Variants in UTP14C observed in about 807,000 individuals in gnomAD.
UTP14C encodes UTP14C small subunit processome component, also known as U3 small nucleolar RNA-associated protein 14 homolog C.
UTP14C carries 10 observed loss-of-function variants against 14.6 expected under a neutral mutation model. The observed-to-expected ratio is 0.68, with a 90% CI of 0.42 to 1.16. The LOEUF (loss-of-function observed/expected upper bound fraction) is 1.16, where lower values mean the gene tolerates loss of function less well. Ranked by LOEUF, UTP14C falls within the 50% of genes most tolerant of loss-of-function variation. The probability of loss-of-function intolerance (pLI) is 0.00; values close to 1 mark genes in which losing one functional copy is unlikely to be tolerated. For missense variants in UTP14C, 818 were observed against 890.8 expected, an observed-to-expected ratio of 0.92 and a Z score of 1.04; for synonymous variants, 315 against 331.6, an observed-to-expected ratio of 0.95 and a Z score of 0.54.
At position 52,030,151 on chromosome 13, in the gene UTP14C, T is replaced by C. The variant is rs766175630; in HGVS notation, c.1347T>C (p.Ser449=). 1.9e-6 allele frequency: 3 copies of C among 1,614,048 alleles called. No homozygotes were observed. The highest frequency in any genetic ancestry group is 1.7e-6 in the Non-Finnish European group (2 of 1,180,026). Residue 449 remains serine, a synonymous_variant, in exon 2 of 2, where the codon TCT becomes TCC. Coordinates refer to ENST00000521776, the MANE Select transcript of UTP14C (RefSeq NM_021645.6). The part of the protein sequence containing the change: ...EPASSQETKD[S]SSQEVLSELR... The stretch of plus-strand genomic sequence containing the variant: ...CAAGCAGTCAAGAAACAAAAGATTC[T>C]AGCAGCCAGGAGGTGCTGTCCGAAT...
Position 52,030,187 on chromosome 13 carries a change from A to C in UTP14C, c.1383A>C (p.Leu461=), listed in dbSNP as rs748134927. ...AGGTGCTGTCCGAATTGAGGGCACTATCTCAGAAATTGAAGGAAAAACATC... is the reference window on the plus strand; with the variant it reads ...AGGTGCTGTCCGAATTGAGGGCACTCTCTCAGAAATTGAAGGAAAAACATC... ...SQEVLSELRA[L]SQKLKEKHQS... The change falls in exon 2 of 2, where the codon CTA becomes CTC. Residue 461 remains leucine, a synonymous_variant. Transcript: ENST00000521776. The C allele has an allele frequency of 1.9e-6, 3 of 1,614,228 alleles. No homozygotes were observed. Among genetic ancestry groups the C allele is most frequent in the Non-Finnish European group, 2.5e-6 (3 of 1,180,044 alleles).
chr13:52,031,008 A>T lies in UTP14C; in HGVS notation c.2204A>T (p.Asp735Val), dbSNP rs1954298265. 1 of 1,614,196 alleles carries T rather than the reference A, an allele frequency of 6.2e-7. No individual in the cohort carries two copies. Among genetic ancestry groups the T allele is most frequent in the East Asian group, 2.2e-5 (1 of 44,878 alleles). The change falls in exon 2 of 2, where the codon GAT becomes GTT. Residue 735 changes from aspartate to valine, a missense_variant. Transcript: ENST00000521776. ...GHIIKPIKAEDVGYQSSSRSD... is the reference protein window; with the variant it reads ...GHIIKPIKAEVVGYQSSSRSD... ...ATCATTAAGCCCATAAAAGCAGAGG[A>T]TGTGGGCTACCAGTCTTCCTCAAGG...
At chr13:52,025,837 C>A (rs1954235307) in intron 1 of UTP14C, among the ~76,000 whole-genome samples, 2 of 152,234 alleles carry the variant, frequency 1.3e-5, no homozygotes, top group African/African-American at 2.4e-5. Flanking sequence ...ACTTCAATTT[C>A]TCTTATACTC....
rs542071901 is a variant in UTP14C at position 52,030,109 on chromosome 13, C to G, written c.1305C>G (p.Asn435Lys). The G allele has an allele frequency of 2.8e-5, 46 of 1,614,184 alleles. 2 individuals are homozygous for G. In the African/African-American group the frequency reaches 2.9e-4, roughly 10 times the overall value. Residue 435 changes from asparagine to lysine, a missense_variant, in exon 2 of 2, where the codon AAC becomes AAG. Asn to Lys is a moderately conservative substitution (Grantham distance 94). Transcript: ENST00000521776. Reference sequence around the variant, plus strand: ...CCCTTAGAAAAAGATCTGAGCTCAACCAGGATGCTGAGCCAGCAAGCAGTC... The same window carrying G: ...CCCTTAGAAAAAGATCTGAGCTCAAGCAGGATGCTGAGCCAGCAAGCAGTC... The part of the protein sequence containing the change: ...RQSLRKRSEL[N>K]QDAEPASSQE...
chr13:52,029,344 A>C lies in UTP14C; in HGVS notation c.540A>C (p.Arg180Ser), dbSNP rs201103979. ...ATGCGCTCAGTGGCTGGAAGGCAAG[A>C]ACTCCCCTGGAGCAGGAAATTTTTA... ...IEHALSGWKA[R>S]TPLEQEIFNL... The change falls in exon 2 of 2, where the codon AGA becomes AGC. Residue 180 changes from arginine (R) to serine (S), a missense_variant. By Grantham distance (110) the Arg-to-Ser change is moderately radical. Coordinates refer to ENST00000521776, the MANE Select transcript of UTP14C (RefSeq NM_021645.6). The C allele has an allele frequency of 2.9e-5, 47 of 1,614,124 alleles. No individual in the cohort carries two copies. Among genetic ancestry groups the C allele is most frequent in the Admixed American group, 1.2e-4 (7 of 60,020 alleles).
At position 52,030,504 on chromosome 13, in the gene UTP14C, C is replaced by G; in HGVS notation, c.1700C>G (p.Ser567Cys). 1 of 1,614,216 alleles carries G rather than the reference C, an allele frequency of 6.2e-7. No individual in the cohort carries two copies. The highest frequency in any genetic ancestry group is 8.5e-7 in the Non-Finnish European group (1 of 1,180,034). Reference sequence around the variant, plus strand: ...CTACAGAACTTCCTGACCACACAGTCTCCTTCCGTGAGGTCTTTGGCAGTT... The same window carrying G: ...CTACAGAACTTCCTGACCACACAGTGTCCTTCCGTGAGGTCTTTGGCAGTT... ...INLQNFLTTQ[S>C]PSVRSLAVPT... Residue 567 changes from serine to cysteine, a missense_variant, in exon 2 of 2, where the codon TCT (serine) becomes TGT (cysteine). Physicochemically the swap from Ser to Cys is moderately radical, Grantham distance 112 (BLOSUM62 -1). Transcript: ENST00000521776.
At chr13:52,026,928 T>C (rs1954246992) in intron 1 of UTP14C, among the ~76,000 whole-genome samples, 1 of 152,004 alleles carries the variant, frequency 6.6e-6, no homozygotes, top group Non-Finnish European at 1.5e-5. Context: ...GAAAAGAGGC[T>C]CTCAGTACAA....
Position 52,032,583 on chromosome 13 carries a change from T to G in UTP14C, c.*1478T>G, listed in dbSNP as rs986963221. On this transcript the variant is annotated 3_prime_UTR_variant, in exon 2 of 2. Transcript: ENST00000521776. Reference sequence around the variant, plus strand: ...TTCTTTGCAGTCTCCTCTCAGTCATTCATCAATGTGGCCAGCTTATCTACT... The same window carrying G: ...TTCTTTGCAGTCTCCTCTCAGTCATGCATCAATGTGGCCAGCTTATCTACT... 3 of 167,076 alleles carry G rather than the reference T, an allele frequency of 1.8e-5. No individual in the cohort carries two copies. The highest frequency in any genetic ancestry group is 4.4e-5 in the Non-Finnish European group (3 of 68,116). 10.3% of individuals were successfully genotyped at this position (167,076 alleles called of 1,614,324 possible).
In UTP14C at chr13:52,026,775, G is replaced by A. The variant is rs910866373; in HGVS notation, c.-486-1544G>A. Among the ~76,000 whole-genome samples, 14 of 152,296 alleles carry A rather than the reference G, an allele frequency of 9.2e-5. No individual in the cohort carries two copies. The East Asian group carries it at 2.5e-3, about 27-fold the overall frequency. ...ATCTGTGGGACATGTGAGGGCATGC[G>A]TCCAGGAGGTAGTTTTGTATATAGG... On this transcript the variant is annotated intron_variant, in intron 1 of 1. Transcript: ENST00000521776.
chr13:52,030,425 A>G lies in UTP14C; in HGVS notation c.1621A>G (p.Asn541Asp). The G allele has an allele frequency of 6.2e-7, 1 of 1,614,228 alleles. No homozygotes were observed. Among genetic ancestry groups the G allele is most frequent in the Non-Finnish European group, 8.5e-7 (1 of 1,180,044 alleles). ...AGGACAGCAGTCAGAGAGGACCCCAAATAATCGGCCTGATGCCCCTAAGGA... is the reference window on the plus strand; with the variant it reads ...AGGACAGCAGTCAGAGAGGACCCCAGATAATCGGCCTGATGCCCCTAAGGA... Reference protein sequence around the residue: ...LEGQQSERTPNNRPDAPKEKK... With the variant: ...LEGQQSERTPDNRPDAPKEKK... Residue 541 changes from asparagine (N) to aspartate (D), a missense_variant, in exon 2 of 2, where the codon AAT becomes GAT. Asn to Asp is a conservative substitution (Grantham distance 23). Transcript: ENST00000521776.
chr13:52,026,774 C>A (rs192828240), intron 1 of UTP14C, among the ~76,000 whole-genome samples: 1 of 152,048 alleles, frequency 6.6e-6, no homozygotes, highest in Non-Finnish European at 1.5e-5. Context: ...TGAGGGCATG[C>A]GTCCAGGAGG....
At position 52,024,938 on chromosome 13, in the gene UTP14C, G is replaced by A; in HGVS notation, c.-487+1G>A. On this transcript the variant is annotated splice_donor_variant, in intron 1 of 1. Transcript: ENST00000521776. LOFTEE classifies it low-confidence loss of function (5UTR_SPLICE). ...ATGTGGAACGAGCATTTTGGGATTG[G>A]TGAGTTTGGCCTTTAAACAACTTGT... 1 of 1,607,310 alleles carries A rather than the reference G, an allele frequency of 6.2e-7. No individual in the cohort carries two copies. Among genetic ancestry groups the A allele is most frequent in the Non-Finnish European group, 8.5e-7 (1 of 1,179,966 alleles).
In UTP14C at chr13:52,024,759, A is replaced by G. The variant is rs147711581; in HGVS notation, c.-665A>G. ...CTTCGCTTAAACTTGTCCTCATTGG[A>G]GGTTGTCGTAACAAAGATGATGAAC... On this transcript the variant is annotated 5_prime_UTR_variant, in exon 1 of 2. Coordinates refer to ENST00000521776, the MANE Select transcript of UTP14C (RefSeq NM_021645.6). 2.7e-5 allele frequency: 43 copies of G among 1,614,110 alleles called. No individual in the cohort carries two copies. In the Middle Eastern group the frequency reaches 4.9e-4, roughly 19 times the overall value.
In UTP14C at chr13:52,030,135, A is replaced by T; in HGVS notation, c.1331A>T (p.Gln444Leu). 1 of 1,614,248 alleles carries T rather than the reference A, an allele frequency of 6.2e-7. No individual in the cohort carries two copies. The highest frequency in any genetic ancestry group is 1.3e-5 in the African/African-American group (1 of 75,058). Residue 444 changes from glutamine to leucine, a missense_variant, in exon 2 of 2, where the codon CAA becomes CTA. By Grantham distance (113) the Gln-to-Leu change is moderately radical. Transcript: ENST00000521776. ...CAGGATGCTGAGCCAGCAAGCAGTC[A>T]AGAAACAAAAGATTCTAGCAGCCAG... ...LNQDAEPASSQETKDSSSQEV... is the reference protein window; with the variant it reads ...LNQDAEPASSLETKDSSSQEV...
chr13:52,030,351 G>A lies in UTP14C; in HGVS notation c.1547G>A (p.Gly516Glu). The A allele has an allele frequency of 6.2e-7, 1 of 1,614,198 alleles. No individual in the cohort carries two copies. Among genetic ancestry groups the A allele is most frequent in the Admixed American group, 1.7e-5 (1 of 60,028 alleles). Residue 516 changes from glycine (G) to glutamate (E), a missense_variant, in exon 2 of 2, where the codon GGA becomes GAA. Transcript: ENST00000521776. ...VQTLEELEELGKEDCFQNKEL... is the reference protein window; with the variant it reads ...VQTLEELEELEKEDCFQNKEL... Reference sequence around the variant, plus strand: ...ACTCTGGAAGAGCTAGAAGAGCTGGGAAAAGAAGATTGTTTTCAAAATAAG... The same window carrying A: ...ACTCTGGAAGAGCTAGAAGAGCTGGAAAAAGAAGATTGTTTTCAAAATAAG...
At position 52,033,018 on chromosome 13, in the gene UTP14C, C is replaced by A. The variant is rs1954320213; in HGVS notation, c.*1913C>A. On this transcript the variant is annotated 3_prime_UTR_variant, in exon 2 of 2. Transcript: ENST00000521776. Reference sequence around the variant, plus strand: ...ATGTAGTGAAGGAAGAAAAAGTTTTCTGGAATTCCGTAAATTATATTTTAA... The same window carrying A: ...ATGTAGTGAAGGAAGAAAAAGTTTTATGGAATTCCGTAAATTATATTTTAA... The A allele has an allele frequency of 6.0e-6, 1 of 167,026 alleles. No homozygotes were observed. Among genetic ancestry groups the A allele is most frequent in the Non-Finnish European group, 1.5e-5 (1 of 68,124 alleles). 10.3% of individuals were successfully genotyped at this position (167,026 alleles called of 1,614,324 possible).
In UTP14C at chr13:52,033,270, C is replaced by G. The variant is rs1205535599; in HGVS notation, c.*2165C>G. The G allele has an allele frequency of 6.0e-6, 1 of 166,968 alleles. No individual in the cohort carries two copies. Among genetic ancestry groups the G allele is most frequent in the African/African-American group, 2.4e-5 (1 of 41,394 alleles). 10.3% of individuals were successfully genotyped at this position (166,968 alleles called of 1,614,324 possible). On this transcript the variant is annotated 3_prime_UTR_variant, in exon 2 of 2. Coordinates refer to ENST00000521776, the MANE Select transcript of UTP14C (RefSeq NM_021645.6). ...AGATGTCATTTTTGAGTGGTCCAAGCCTGCTGTTTTGAACCCACAGCAGTG... is the reference window on the plus strand; with the variant it reads ...AGATGTCATTTTTGAGTGGTCCAAGGCTGCTGTTTTGAACCCACAGCAGTG...
In UTP14C at chr13:52,030,380, C is replaced by T; in HGVS notation, c.1576C>T (p.Leu526Phe). Residue 526 changes from leucine (L) to phenylalanine (F), a missense_variant, in exon 2 of 2, where the codon CTT (leucine) becomes TTT (phenylalanine). By Grantham distance (22) the Leu-to-Phe change is conservative. Coordinates refer to ENST00000521776, the MANE Select transcript of UTP14C (RefSeq NM_021645.6). ...AGAAGATTGTTTTCAAAATAAGGAG[C>T]TTCCCAGACCTGTGTTAGAAGGACA... The part of the protein sequence containing the change: ...GKEDCFQNKE[L>F]PRPVLEGQQS... 6.2e-7 allele frequency: 1 copy of T among 1,614,198 alleles called. No individual in the cohort carries two copies. Among genetic ancestry groups the T allele is most frequent in the South Asian group, 1.1e-5 (1 of 91,086 alleles).
chr13:52,029,967 A>G lies in UTP14C; in HGVS notation c.1163A>G (p.Gln388Arg), dbSNP rs761946323. The change falls in exon 2 of 2, where the codon CAG (glutamine) becomes CGG (arginine). Residue 388 changes from glutamine (Q) to arginine (R), a missense_variant. Gln to Arg is a conservative substitution (Grantham distance 43). Transcript: ENST00000521776. ...CTSDTKEAAT[Q>R]EDPEQVPELA... ...AGTGACACCAAAGAGGCTGCAACAC[A>G]GGAGGACCCTGAGCAAGTGCCAGAG... The G allele has an allele frequency of 3.1e-6, 5 of 1,614,258 alleles. No homozygotes were observed. Among genetic ancestry groups the G allele is most frequent in the Non-Finnish European group, 4.2e-6 (5 of 1,180,044 alleles).
Sources: gnomAD v4.1 joint callset for allele counts (sites outside exome capture counted in the v4.1 genomes callset) on GRCh38, gnomAD v4.1.1 for gene constraint, MANE v1.5 for transcripts, NCBI Gene and HGNC (gene_info 2026-07-23, HGNC 2026-07-21) for gene names.